The following BMP6 variants were observed in gnomAD, a reference collection of about 807,000 sequenced individuals.
BMP6 encodes the protein bone morphogenetic protein 6.
Under a neutral mutation model 54.1 loss-of-function variants are expected in BMP6, and 17 were observed. That is an observed-to-expected ratio of 0.31 (90% CI 0.22 to 0.47). The LOEUF (loss-of-function observed/expected upper bound fraction) is 0.47, where lower values mean the gene tolerates loss of function less well. Ranked by LOEUF, BMP6 falls within the 20% of genes least tolerant of loss-of-function variation. The pLI is 1.00. For missense variants in BMP6, 720 were observed against 690.4 expected, an observed-to-expected ratio of 1.04 and a Z score of -0.48; for synonymous variants, 328 against 291.2, an observed-to-expected ratio of 1.13 and a Z score of -1.28.
At chr6:7,784,510 TA>T (rs1757994941) in intron 1 of BMP6, among the ~76,000 whole-genome samples, 1 of 152,194 alleles carries the variant, frequency 6.6e-6, no homozygotes, top group South Asian at 2.1e-4. Flanking sequence ...TCACAAGTGT[TA>T]TTGCAAAATA....
intron 1 of BMP6, among the ~76,000 whole-genome samples, chr6:7,831,015 C>A (rs1758785382): frequency 1.3e-5 from 2 of 152,212 alleles, no homozygotes; most frequent in South Asian, 4.1e-4. Flanking sequence ...TTCATAGAAG[C>A]ACTATTCACA....
chr6:7,850,982 T>G (rs1759133923), intron 2 of BMP6, among the ~76,000 whole-genome samples: 1 of 152,208 alleles, frequency 6.6e-6, no homozygotes, highest in South Asian at 2.1e-4. Context: ...CCTGGGTTAA[T>G]TTTTCTCTTC....
chr6:7,726,872 C>A lies in BMP6; in HGVS notation c.-84C>A. 1.1e-6 allele frequency: 1 copy of A among 901,894 alleles called. No individual in the cohort carries two copies. Among genetic ancestry groups the A allele is most frequent in the Non-Finnish European group, 1.4e-6 (1 of 738,184 alleles). 55.9% of individuals were successfully genotyped at this position (901,894 alleles called of 1,614,324 possible). On this transcript the variant is annotated 5_prime_UTR_variant, in exon 1 of 7. Coordinates refer to ENST00000283147, the MANE Select transcript of BMP6 (RefSeq NM_001718.6). ...GAGAGGTGGCGGGGACTGCTCACGC[C>A]AAGGGCCACAGCGGCCGCGCTCCGG...
chr6:7,862,581 C>T lies in BMP6; in HGVS notation c.1204+83C>T, dbSNP rs528058371. The T allele has an allele frequency of 2.4e-3, 3,724 of 1,540,164 alleles. 9 individuals are homozygous for T. The highest frequency in any genetic ancestry group is 3.0e-3 in the Non-Finnish European group (3,372 of 1,125,748). On this transcript the variant is annotated intron_variant, in intron 4 of 6. Coordinates refer to ENST00000283147, the MANE Select transcript of BMP6 (RefSeq NM_001718.6). Reference sequence around the variant, plus strand: ...AAGTTGTGTCCACAGTCTCAGATGTCGGGCAGCTTCTGCACAGCAAATCCA... The same window carrying T: ...AAGTTGTGTCCACAGTCTCAGATGTTGGGCAGCTTCTGCACAGCAAATCCA...
intron 1 of BMP6, among the ~76,000 whole-genome samples, chr6:7,740,112 A>C (rs1410032957): frequency 6.6e-6 from 1 of 152,180 alleles, no homozygotes; most frequent in Non-Finnish European, 1.5e-5. Context: ...AAGAGAGAAC[A>C]TGTGGCCATA....
intron 1 of BMP6, among the ~76,000 whole-genome samples, chr6:7,807,913 C>CT (rs755894743): frequency 0.03 from 2,422 of 81,466 alleles, 29 homozygotes; most frequent in Middle Eastern, 0.042. Context: ...GAAGTCTTTA[C>CT]TTTTTTTTTT....
intron 1 of BMP6, among the ~76,000 whole-genome samples, chr6:7,792,092 G>A (rs1246465605): frequency 6.6e-6 from 1 of 152,158 alleles, no homozygotes; most frequent in Non-Finnish European, 1.5e-5. Flanking sequence ...AACTGCGGGA[G>A]GAGGGTGCTA....
At chr6:7,788,239 TA>T in intron 1 of BMP6, among the ~76,000 whole-genome samples, 1 of 152,312 alleles carries the variant, frequency 6.6e-6, no homozygotes, top group African/African-American at 2.4e-5. Context: ...AAAGGCTTGG[TA>T]GTAATTATTT....
intron 1 of BMP6, among the ~76,000 whole-genome samples, chr6:7,814,202 T>TG (rs1758488978): frequency 6.6e-6 from 1 of 152,240 alleles, no homozygotes; most frequent in African/African-American, 2.4e-5. Flanking sequence ...TAGGCCCACA[T>TG]GGGCAATCTC....
At chr6:7,739,595 A>G (rs1466821561) in intron 1 of BMP6, among the ~76,000 whole-genome samples, 4 of 152,200 alleles carry the variant, frequency 2.6e-5, no homozygotes, top group Non-Finnish European at 5.9e-5. Flanking sequence ...AGGTTTTTGG[A>G]GAAAACTAAT....
At chr6:7,771,285 G>T (rs1394341927) in intron 1 of BMP6, among the ~76,000 whole-genome samples, 1 of 152,188 alleles carries the variant, frequency 6.6e-6, no homozygotes, top group Non-Finnish European at 1.5e-5. Flanking sequence ...TAAGCTGACT[G>T]CATTGAATCT....
intron 2 of BMP6, 66 bp downstream of exon 2, chr6:7,845,398 A>G (rs530390775): frequency 1.4e-5 from 20 of 1,463,992 alleles, no homozygotes; most frequent in African/African-American, 7.1e-5. Context: ...TGTCATGACA[A>G]TAACCCCAGC....
At chr6:7,762,656 C>T (rs1757630381) in intron 1 of BMP6, among the ~76,000 whole-genome samples, 1 of 152,188 alleles carries the variant, frequency 6.6e-6, no homozygotes, top group South Asian at 2.1e-4. Context: ...TAGCTCTGAA[C>T]ATAATTGCAT....
At chr6:7,796,941 C>G (rs1301064735) in intron 1 of BMP6, among the ~76,000 whole-genome samples, 5 of 152,314 alleles carry the variant, frequency 3.3e-5, no homozygotes, top group Admixed American at 3.3e-4. Flanking sequence ...CAATCATAGG[C>G]TCATAAACAG....
intron 4 of BMP6, among the ~76,000 whole-genome samples, chr6:7,869,158 C>T (rs1431840613): frequency 6.6e-6 from 1 of 152,242 alleles, no homozygotes; most frequent in Non-Finnish European, 1.5e-5. Context: ...TCCAGCCCCG[C>T]GGTGCAGCCT....
intron 1 of BMP6, among the ~76,000 whole-genome samples, chr6:7,780,203 A>G (rs11243205): frequency 0.19 from 28,592 of 152,144 alleles, 2,950 homozygotes; most frequent in South Asian, 0.26. Flanking sequence ...TGCATCTCCT[A>G]GTGGGTGTTA....
At chr6:7,752,528 G>A (rs539790152) in intron 1 of BMP6, among the ~76,000 whole-genome samples, 6 of 146,946 alleles carry the variant, frequency 4.1e-5, no homozygotes, top group Non-Finnish European at 7.5e-5. Context: ...TTCTAAATAC[G>A]TACCTCATGT....
intron 1 of BMP6, among the ~76,000 whole-genome samples, chr6:7,752,513 T>C (rs1757441324): frequency 6.6e-6 from 1 of 152,058 alleles, no homozygotes; most frequent in Admixed American, 6.6e-5. Flanking sequence ...TGGAATTATC[T>C]GTGGTTCTAA....
At position 7,758,427 on chromosome 6, in the gene BMP6, TC is replaced by T. The variant is rs1298142944; in HGVS notation, c.664+30809del. 2.6e-5 allele frequency among the ~76,000 whole-genome samples: 4 copies of T among 152,280 alleles called. No individual in the cohort carries two copies. In the East Asian group the frequency reaches 5.8e-4, roughly 22 times the overall value. ...ACAACTCACCACCAGGCATTTTTTT[TC>T]AAGACAAAGAAATCCATCTGGGTTT... On this transcript the variant is annotated intron_variant, in intron 1 of 6. Transcript: ENST00000283147.
Sources: allele counts gnomAD v4.1 joint callset (sites outside exome capture counted in the v4.1 genomes callset), GRCh38; gene constraint gnomAD v4.1.1; transcripts MANE v1.5; gene names NCBI Gene and HGNC (gene_info 2026-07-23, HGNC 2026-07-21).